The following KIF6 variants were observed in gnomAD, a reference collection of about 807,000 sequenced individuals.
KIF6 encodes the protein kinesin-like protein KIF6.
Under a neutral mutation model 112.7 loss-of-function variants are expected in KIF6, and 106 were observed. The observed-to-expected ratio is 0.94, with a 90% CI of 0.80 to 1.11. The LOEUF is 1.11. Among genes scored for constraint, KIF6 ranks in the 50% least tolerant of loss-of-function variants. The pLI is 0.00. For missense variants in KIF6, 929 were observed against 964.0 expected (o/e 0.96, Z 0.48); for synonymous variants, 339 against 339.9 (o/e 1.00, Z 0.03).
At chr6:39,651,316 A>G (rs1485303579) in intron 3 of KIF6, among the ~76,000 whole-genome samples, 1 of 152,130 alleles carries the variant, frequency 6.6e-6, no homozygotes, top group African/African-American at 2.4e-5. Context: ...AGGCATAGAA[A>G]TGAAAAGACA....
intron 10 of KIF6, among the ~76,000 whole-genome samples, chr6:39,549,531 A>G (rs1392763502): frequency 6.6e-6 from 1 of 152,198 alleles, no homozygotes. Context: ...GAAGCACAAT[A>G]CTTACCATAC....
intron 15 of KIF6, among the ~76,000 whole-genome samples, chr6:39,394,956 G>A (rs1768151838): frequency 6.6e-6 from 1 of 152,248 alleles, no homozygotes; most frequent in Non-Finnish European, 1.5e-5. Context: ...ATCTTGTGGA[G>A]GAGGATGTGC....
chr6:39,347,196 G>A (rs189861483), intron 19 of KIF6, among the ~76,000 whole-genome samples: 8 of 152,270 alleles, frequency 5.3e-5, no homozygotes, highest in Admixed American at 3.3e-4. Context: ...TGGCAGAATC[G>A]GGAACTACTC....
At chr6:39,413,235 G>A (rs1769620735) in intron 15 of KIF6, among the ~76,000 whole-genome samples, 1 of 151,966 alleles carries the variant, frequency 6.6e-6, no homozygotes, top group Non-Finnish European at 1.5e-5. Context: ...TTTTTTCCAG[G>A]ATAAAGAAGT....
At chr6:39,710,541 G>A (rs1789488283) in intron 3 of KIF6, among the ~76,000 whole-genome samples, 1 of 149,226 alleles carries the variant, frequency 6.7e-6, no homozygotes, top group Non-Finnish European at 1.5e-5. Flanking sequence ...ACATTCACAA[G>A]CAAGAATAGA....
At chr6:39,379,394 T>C (rs926246092) in intron 16 of KIF6, among the ~76,000 whole-genome samples, 1 of 152,246 alleles carries the variant, frequency 6.6e-6, no homozygotes, top group African/African-American at 2.4e-5. Context: ...CATCTGGCCA[T>C]TGACTTGGCC....
intron 13 of KIF6, among the ~76,000 whole-genome samples, chr6:39,513,857 C>T (rs1294231481): frequency 4.6e-5 from 7 of 152,162 alleles, no homozygotes; most frequent in Non-Finnish European, 1.5e-5. Flanking sequence ...GGTTTCTAAA[C>T]AACTTTTGGC....
chr6:39,424,066 G>A (rs960146633), intron 14 of KIF6, among the ~76,000 whole-genome samples: 7 of 152,148 alleles, frequency 4.6e-5, no homozygotes, highest in Non-Finnish European at 7.3e-5. Flanking sequence ...GACTCTTCAC[G>A]CTCTGGCTCC....
intron 3 of KIF6, among the ~76,000 whole-genome samples, chr6:39,676,789 T>C (rs1484986246): frequency 6.7e-6 from 1 of 149,560 alleles, no homozygotes; most frequent in Non-Finnish European, 1.5e-5. Flanking sequence ...AGAAAACAAA[T>C]AAGGAAAAGT....
intron 16 of KIF6, among the ~76,000 whole-genome samples, chr6:39,369,408 C>T (rs1353784913): frequency 1.3e-5 from 2 of 152,190 alleles, no homozygotes; most frequent in Admixed American, 6.5e-5. Context: ...ACTGCCACTG[C>T]CTTCCCCTCA....
chr6:39,574,253 AG>A (rs1393909542), intron 10 of KIF6, among the ~76,000 whole-genome samples: 1 of 152,232 alleles, frequency 6.6e-6, no homozygotes, highest in Non-Finnish European at 1.5e-5. Context: ...TACAATAGTA[AG>A]AATCATAAAG....
intron 13 of KIF6, among the ~76,000 whole-genome samples, chr6:39,491,480 T>C (rs1581970120): frequency 1.3e-5 from 2 of 152,130 alleles, no homozygotes; most frequent in Non-Finnish European, 2.9e-5. Context: ...GAGATAATAA[T>C]AGTAGTGTTA....
intron 3 of KIF6, among the ~76,000 whole-genome samples, chr6:39,696,533 G>T (rs1015032972): frequency 2.0e-5 from 3 of 152,088 alleles, no homozygotes; most frequent in Non-Finnish European, 4.4e-5. Context: ...TTTCTTGTAT[G>T]TGAAATAGTA....
At chr6:39,549,832 G>C (rs887136295) in intron 10 of KIF6, among the ~76,000 whole-genome samples, 16 of 152,252 alleles carry the variant, frequency 1.1e-4, no homozygotes, top group African/African-American at 3.9e-4. Flanking sequence ...GCAAAGTGTT[G>C]TACTTATTGA....
chr6:39,345,434 C>T (rs1251506537), intron 21 of KIF6, among the ~76,000 whole-genome samples: 1 of 152,210 alleles, frequency 6.6e-6, no homozygotes, highest in Non-Finnish European at 1.5e-5. Context: ...CCTTTCTGGC[C>T]CCCAGGTACG....
At chr6:39,567,854 G>A (rs973188138) in intron 10 of KIF6, among the ~76,000 whole-genome samples, 11 of 152,214 alleles carry the variant, frequency 7.2e-5, no homozygotes, top group African/African-American at 2.2e-4. Context: ...TGATCCGCCC[G>A]CCTTGGCCTC....
chr6:39,355,404 T>C (rs1313058134), intron 19 of KIF6, among the ~76,000 whole-genome samples: 1 of 151,214 alleles, frequency 6.6e-6, no homozygotes, highest in African/African-American at 2.4e-5. Flanking sequence ...CCAAGGAAAA[T>C]CTCAACCTGG....
intron 13 of KIF6, among the ~76,000 whole-genome samples, chr6:39,432,313 G>A (rs894388588): frequency 1.3e-5 from 2 of 152,194 alleles, no homozygotes; most frequent in Non-Finnish European, 2.9e-5. Context: ...GTGGTGCTGA[G>A]CCTTGCTGTT....
chr6:39,662,488 G>C (rs1300578763), intron 3 of KIF6, among the ~76,000 whole-genome samples: 1 of 152,158 alleles, frequency 6.6e-6, no homozygotes, highest in Non-Finnish European at 1.5e-5. Context: ...GGTAACAAAT[G>C]AAAGAGACTA....
Sources: allele counts gnomAD v4.1 joint callset (sites outside exome capture counted in the v4.1 genomes callset), GRCh38; gene constraint gnomAD v4.1.1; transcripts MANE v1.5; gene names NCBI Gene and HGNC (gene_info 2026-07-23, HGNC 2026-07-21).